ELP4: variants seen among roughly 807,000 people sequenced by gnomAD.
The protein encoded by ELP4 is elongator complex protein 4.
In ELP4, 51 loss-of-function variants were observed where a neutral mutation model predicts 48.9. The observed-to-expected ratio is 1.04, with a 90% CI of 0.83 to 1.32. The LOEUF (loss-of-function observed/expected upper bound fraction) is 1.32, where lower values mean the gene tolerates loss of function less well. Ranked by LOEUF, ELP4 falls within the 40% of genes most tolerant of loss-of-function variation. The pLI is 0.00. For synonymous variants in ELP4, 210 were observed against 189.2 expected (o/e 1.11, Z -0.90); for missense variants, 519 against 514.6 (o/e 1.01, Z -0.08).
chr11:31,657,623 G>A (rs939650986), intron 9 of ELP4, among the ~76,000 whole-genome samples: 15 of 152,026 alleles, frequency 9.9e-5, no homozygotes, highest in Admixed American at 3.9e-4. Context: ...TAGGTATTGT[G>A]TTGGGTGCTT....
chr11:31,529,780 G>A (rs1011938199), intron 2 of ELP4, among the ~76,000 whole-genome samples: 2 of 152,146 alleles, frequency 1.3e-5, no homozygotes, highest in African/African-American at 4.8e-5. Flanking sequence ...AAGAGAGACT[G>A]AGGATGAATT....
chr11:31,670,547 A>G (rs1317629430), intron 9 of ELP4, among the ~76,000 whole-genome samples: 1 of 152,092 alleles, frequency 6.6e-6, no homozygotes, highest in Non-Finnish European at 1.5e-5. Flanking sequence ...ATTGTTTTCC[A>G]AGTAGGAGAC....
chr11:31,559,961 G>A (rs1379786783), intron 3 of ELP4, among the ~76,000 whole-genome samples: 2 of 145,264 alleles, frequency 1.4e-5, no homozygotes, highest in Non-Finnish European at 3.0e-5. Flanking sequence ...AATTCTAGAT[G>A]TACCACAGTA....
rs1948188431 is a variant in ELP4, at chr11:31,773,493, C to CT, written c.1144-9899dup. On this transcript the variant is annotated intron_variant, in intron 9 of 9. Coordinates refer to ENST00000640961, the MANE Select transcript of ELP4 (RefSeq NM_019040.5). Reference sequence around the variant, plus strand: ...AATTGAACACATGTATGGGGCTGCACTCTTGGGGTTAGTAAATCCCACTGC... The same window carrying CT: ...AATTGAACACATGTATGGGGCTGCACTTCTTGGGGTTAGTAAATCCCACTGC... Among the ~76,000 whole-genome samples, 3 of 152,292 alleles carry CT rather than the reference C, an allele frequency of 2.0e-5. No individual in the cohort carries two copies. In the South Asian group the frequency reaches 6.2e-4, roughly 32 times the overall value.
At chr11:31,660,792 A>T (rs1255245834) in intron 9 of ELP4, among the ~76,000 whole-genome samples, 1 of 152,044 alleles carries the variant, frequency 6.6e-6, no homozygotes, top group African/African-American at 2.4e-5. Context: ...TGAGATTCAA[A>T]ATTTGTCATG....
intron 5 of ELP4, 61 bp downstream of exon 5, chr11:31,603,968 T>A: frequency 6.9e-7 from 1 of 1,442,814 alleles, no homozygotes; most frequent in Non-Finnish European, 9.5e-7. Flanking sequence ...AATGCACTTT[T>A]ACCACATTTT....
At chr11:31,632,501 A>G (rs571311430) in intron 7 of ELP4, 96 bp downstream of exon 7, 280 of 1,026,698 alleles carry the variant, frequency 2.7e-4, no homozygotes, top group Admixed American at 3.5e-4. Flanking sequence ...AATGATGTTG[A>G]CCATCTTTTC....
intron 9 of ELP4, among the ~76,000 whole-genome samples, chr11:31,679,526 G>A (rs993037145): frequency 6.6e-6 from 1 of 152,128 alleles, no homozygotes; most frequent in Non-Finnish European, 1.5e-5. Context: ...GCTTGCACAT[G>A]TCTGAGTTTA....
intron 9 of ELP4, among the ~76,000 whole-genome samples, chr11:31,749,109 A>G (rs1947662357): frequency 2.0e-5 from 3 of 152,182 alleles, no homozygotes; most frequent in South Asian, 4.1e-4. Context: ...AATAACTGAG[A>G]TGGGGATGAC....
intron 7 of ELP4, among the ~76,000 whole-genome samples, chr11:31,642,035 A>G (rs1945110594): frequency 6.6e-6 from 1 of 151,926 alleles, no homozygotes; most frequent in African/African-American, 2.4e-5. Context: ...TGAAAGACAA[A>G]TTTTTCTGTG....
intron 9 of ELP4, among the ~76,000 whole-genome samples, chr11:31,678,385 G>A (rs184055856): frequency 1.8e-4 from 27 of 152,176 alleles, no homozygotes. Flanking sequence ...AAAGGTCAAG[G>A]TTGCAGAGAA....
intron 3 of ELP4, among the ~76,000 whole-genome samples, chr11:31,549,376 C>A (rs553082364): frequency 1.0e-3 from 158 of 152,192 alleles, no homozygotes; most frequent in Admixed American, 2.4e-3. Flanking sequence ...CCCAAAAAAC[C>A]CATGAAAAAA....
intron 5 of ELP4, among the ~76,000 whole-genome samples, chr11:31,624,595 C>T (rs528999037): frequency 4.0e-5 from 6 of 151,520 alleles, no homozygotes; most frequent in East Asian, 1.9e-4. Flanking sequence ...GTACACTTAA[C>T]GCTACACTAA....
intron 7 of ELP4, among the ~76,000 whole-genome samples, chr11:31,641,741 C>T (rs1945102455): frequency 6.6e-6 from 1 of 151,900 alleles, no homozygotes; most frequent in Non-Finnish European, 1.5e-5. Context: ...GCCAGTCTCC[C>T]ATCTGGACCT....
intron 9 of ELP4, among the ~76,000 whole-genome samples, chr11:31,726,270 T>G (rs1253221686): frequency 4.6e-5 from 7 of 152,162 alleles, no homozygotes; most frequent in Non-Finnish European, 1.5e-5. Flanking sequence ...GAAAGGCTTT[T>G]CAGCAGAGTG....
chr11:31,645,164 CTA>C (rs1361716510), intron 7 of ELP4, among the ~76,000 whole-genome samples: 1 of 151,634 alleles, frequency 6.6e-6, no homozygotes, highest in Non-Finnish European at 1.5e-5. Context: ...TAGTTAATGA[CTA>C]TGATGCAAAC....
At chr11:31,584,545 T>TTG (rs1957442887) in intron 3 of ELP4, among the ~76,000 whole-genome samples, 2 of 152,230 alleles carry the variant, frequency 1.3e-5, no homozygotes, top group African/African-American at 4.8e-5. Flanking sequence ...TTGTTTTGTT[T>TTG]TTGAGACACT....
chr11:31,720,330 G>A (rs916775612), intron 9 of ELP4, among the ~76,000 whole-genome samples: 3 of 150,934 alleles, frequency 2.0e-5, no homozygotes, highest in Middle Eastern at 3.4e-3. Flanking sequence ...CTTTGACCTC[G>A]ACAATATGTT....
Position 31,515,839 on chromosome 11 carries a change from A to G in ELP4, c.224-4217A>G, listed in dbSNP as rs574814711. Among the ~76,000 whole-genome samples, 42 of 152,300 alleles carry G rather than the reference A, an allele frequency of 2.8e-4. 2 individuals are homozygous for G. In the South Asian group the frequency reaches 8.3e-3, roughly 30 times the overall value. On this transcript the variant is annotated intron_variant, in intron 1 of 9. Transcript: ENST00000640961. Reference sequence around the variant, plus strand: ...AAAATCTTTACTTCTGGCTGGGCGCAGTGGCTCACGCCTGTAATCCCAGCA... The same window carrying G: ...AAAATCTTTACTTCTGGCTGGGCGCGGTGGCTCACGCCTGTAATCCCAGCA...
Sources: allele counts gnomAD v4.1 joint callset (sites outside exome capture counted in the v4.1 genomes callset), GRCh38; gene constraint gnomAD v4.1.1; transcripts MANE v1.5; gene names NCBI Gene and HGNC (gene_info 2026-07-23, HGNC 2026-07-21).